Variants in ENAH observed in about 807,000 individuals in gnomAD.
ENAH encodes the protein protein enabled homolog.
ENAH carries 23 observed loss-of-function variants against 78.7 expected under a neutral mutation model. That is an observed-to-expected ratio of 0.29 (90% CI 0.21 to 0.41). ENAH has a LOEUF of 0.41. Ranked by LOEUF, ENAH falls within the 10% of genes least tolerant of loss-of-function variation. The pLI, the probability that ENAH is intolerant of heterozygous loss-of-function variation, is 1.00. For missense variants in ENAH, 544 were observed against 691.0 expected, an observed-to-expected ratio of 0.79 and a Z score of 2.39; for synonymous variants, 226 against 241.0, an observed-to-expected ratio of 0.94 and a Z score of 0.58.
At chr1:225,627,256 G>A (rs1658121398) in intron 1 of ENAH, among the ~76,000 whole-genome samples, 1 of 152,166 alleles carries the variant, frequency 6.6e-6, no homozygotes, top group Non-Finnish European at 1.5e-5. Flanking sequence ...ATTTGGACAC[G>A]TGGTATTTAA....
rs74415526 is a variant in ENAH at position 225,607,246 on chromosome 1, G to A, written c.6-39832C>T. On this transcript the variant is annotated intron_variant, in intron 1 of 13. Transcript: ENST00000366843. The stretch of plus-strand genomic sequence containing the variant: ...CTGATGAGCTTAAAAAAAACAAATC[G>A]CAAAACAAAAATCTCATGTTTTAAG... 1.5e-3 allele frequency among the ~76,000 whole-genome samples: 223 copies of A among 151,990 alleles called. 3 individuals carry two copies. In the East Asian group the frequency reaches 0.023, roughly 16 times the overall value.
intron 1 of ENAH, among the ~76,000 whole-genome samples, chr1:225,625,873 A>G (rs1358744000): frequency 2.0e-5 from 3 of 152,138 alleles, no homozygotes; most frequent in Non-Finnish European, 4.4e-5. Context: ...TTGAATTATC[A>G]TAGTAGATAT....
chr1:225,576,059 A>C (rs2096786183), intron 1 of ENAH, among the ~76,000 whole-genome samples: 1 of 152,104 alleles, frequency 6.6e-6, no homozygotes, highest in Non-Finnish European at 1.5e-5. Context: ...CCAGAGGTTG[A>C]GAATCAGCTG....
chr1:225,496,637 G>A lies in ENAH; in HGVS notation c.*1138C>T, dbSNP rs1195830690. On this transcript the variant is annotated 3_prime_UTR_variant, in exon 14 of 14. Coordinates refer to ENST00000366843, the MANE Select transcript of ENAH (RefSeq NM_018212.6). ...ATGTTTCAGACCATTGAAATTACTGGTTAAAATACAAATAGCTGAAGACAT... is the reference window on the plus strand; with the variant it reads ...ATGTTTCAGACCATTGAAATTACTGATTAAAATACAAATAGCTGAAGACAT... 6.6e-6 allele frequency: 1 copy of A among 152,586 alleles called. No individual in the cohort carries two copies. Among genetic ancestry groups the A allele is most frequent in the African/African-American group, 2.4e-5 (1 of 41,438 alleles). The allele number at this position is 152,586 out of a possible 1,614,324, so 9.5% of individuals were successfully genotyped here.
chr1:225,614,217 C>A (rs1181319477), intron 1 of ENAH, among the ~76,000 whole-genome samples: 2 of 152,102 alleles, frequency 1.3e-5, no homozygotes, highest in Non-Finnish European at 2.9e-5. Flanking sequence ...CACCACCATG[C>A]ACAGCTAATT....
At position 225,566,929 on chromosome 1, in the gene ENAH, C is replaced by T. The variant is rs375505403; in HGVS notation, c.171+320G>A. On this transcript the variant is annotated intron_variant, in intron 2 of 13. Coordinates refer to ENST00000366843, the MANE Select transcript of ENAH (RefSeq NM_018212.6). Reference sequence around the variant, plus strand: ...GCAGGAAATTAATTCCATAAACATACAATCTGCCACTTAAGTAGAGTTTTG... The same window carrying T: ...GCAGGAAATTAATTCCATAAACATATAATCTGCCACTTAAGTAGAGTTTTG... 2.6e-5 allele frequency among the ~76,000 whole-genome samples: 4 copies of T among 152,346 alleles called. No individual in the cohort carries two copies. In the South Asian group the frequency reaches 8.3e-4, roughly 32 times the overall value.
At chr1:225,627,285 A>G (rs752915913) in intron 1 of ENAH, among the ~76,000 whole-genome samples, 1 of 152,250 alleles carries the variant, frequency 6.6e-6, no homozygotes, top group Non-Finnish European at 1.5e-5. Context: ...TTAGTTATAC[A>G]AAGAGAATTA....
intron 1 of ENAH, among the ~76,000 whole-genome samples, chr1:225,608,731 G>A (rs2096970819): frequency 6.8e-6 from 1 of 147,024 alleles, no homozygotes; most frequent in East Asian, 2.0e-4. Flanking sequence ...CAGGAAAATC[G>A]CTTGAACCCG....
chr1:225,572,298 C>T (rs1195625034), intron 1 of ENAH, among the ~76,000 whole-genome samples: 3 of 152,038 alleles, frequency 2.0e-5, no homozygotes, highest in South Asian at 2.1e-4. Flanking sequence ...CTTCATGGAG[C>T]CATGAACATC....
chr1:225,517,426 GGC>G, intron 5 of ENAH, 120 bp from the exon 6 acceptor site: 1 of 1,551,798 alleles, frequency 6.4e-7, no homozygotes, highest in Non-Finnish European at 8.7e-7. Flanking sequence ...AGGCAGTGGA[GGC>G]GGCGGCGGAG....
chr1:225,574,095 TA>T (rs1558839543), intron 1 of ENAH, among the ~76,000 whole-genome samples: 1 of 152,190 alleles, frequency 6.6e-6, no homozygotes, highest in Non-Finnish European at 1.5e-5. Context: ...GAAATAACAC[TA>T]AAAACTTTGG....
At chr1:225,563,426 C>A (rs745972723) in intron 2 of ENAH, among the ~76,000 whole-genome samples, 1 of 152,156 alleles carries the variant, frequency 6.6e-6, no homozygotes, top group Non-Finnish European at 1.5e-5. Context: ...CTGTATGCTT[C>A]TATTATCTAC....
chr1:225,645,071 T>C (rs1423860722), intron 1 of ENAH, among the ~76,000 whole-genome samples: 4 of 152,172 alleles, frequency 2.6e-5, no homozygotes, highest in Non-Finnish European at 5.9e-5. Flanking sequence ...CTACCAAGGT[T>C]TCCACCTCAG....
intron 1 of ENAH, among the ~76,000 whole-genome samples, chr1:225,581,097 G>A (rs1481264442): frequency 6.6e-6 from 1 of 151,844 alleles, no homozygotes; most frequent in South Asian, 2.1e-4. Context: ...TTCACAGCAT[G>A]AGAGTTCACA....
intron 3 of ENAH, among the ~76,000 whole-genome samples, chr1:225,548,306 A>C (rs994994238): frequency 6.6e-5 from 10 of 151,584 alleles, no homozygotes; most frequent in African/African-American, 2.4e-4. Flanking sequence ...TGACATAAAT[A>C]TTCTCATGAC....
At chr1:225,617,483 C>T (rs1312580380) in intron 1 of ENAH, among the ~76,000 whole-genome samples, 1 of 152,096 alleles carries the variant, frequency 6.6e-6, no homozygotes, top group Non-Finnish European at 1.5e-5. Context: ...AGCATAAACC[C>T]AAATTAAAAG....
chr1:225,635,996 G>A (rs1271659523), intron 1 of ENAH, among the ~76,000 whole-genome samples: 2 of 152,208 alleles, frequency 1.3e-5, no homozygotes, highest in African/African-American at 2.4e-5. Context: ...TCTTGCCTGA[G>A]TTTCCAGCCT....
At position 225,530,570 on chromosome 1, in the gene ENAH, A is replaced by C. The variant is rs1167930835; in HGVS notation, c.418T>G (p.Leu140Val). Reference sequence around the variant, plus strand: ...AAAATTTACCTTCTTTGAATTTCCAATTCTTCTTGGGATGGGCCATTTTGA... The same window carrying C: ...AAAATTTACCTTCTTTGAATTTCCACTTCTTCTTGGGATGGGCCATTTTGA... Reference protein sequence around the residue: ...QVQNGPSQEELEIQRRQLQEQ... With the variant: ...QVQNGPSQEEVEIQRRQLQEQ... The change falls in exon 4 of 14, where the codon TTG becomes GTG. Residue 140 changes from leucine (L) to valine (V), a missense_variant. Physicochemically the swap from Leu to Val is conservative, Grantham distance 32 (BLOSUM62 1). Around this residue, in one of 4 missense-constraint regions of ENAH, gnomAD observed 366 missense variants for 396.1 expected, o/e 0.92. Transcript: ENST00000366843. The C allele has an allele frequency of 2.5e-6, 4 of 1,612,970 alleles. No homozygotes were observed. The highest frequency in any genetic ancestry group is 3.4e-6 in the Non-Finnish European group (4 of 1,179,228).
chr1:225,580,072 C>T (rs528776654), intron 1 of ENAH: 6 of 151,756 alleles, frequency 4.0e-5, no homozygotes, highest in Admixed American at 2.6e-4. Flanking sequence ...TTTATTATAC[C>T]TTCTTCTTCT....
Sources: gnomAD v4.1 joint callset for allele counts (sites outside exome capture counted in the v4.1 genomes callset) on GRCh38, gnomAD v4.1.1 for gene constraint, gnomAD v4.1.1 regional missense constraint, MANE v1.5 for transcripts, NCBI Gene and HGNC (gene_info 2026-07-23, HGNC 2026-07-21) for gene names.